Variants in MAPK10 observed in about 807,000 individuals in gnomAD.
MAPK10 encodes the protein mitogen-activated protein kinase 10, also known as JNK3 alpha protein kinase.
In MAPK10, 25 loss-of-function variants were observed where a neutral mutation model predicts 59.3. The observed-to-expected ratio is 0.42, with a 90% CI of 0.31 to 0.59. The LOEUF is 0.59. Ranked by LOEUF, MAPK10 falls within the 20% of genes least tolerant of loss-of-function variation. MAPK10 has a pLI of 0.15. For missense variants in MAPK10, 351 were observed against 568.9 expected (o/e 0.62, Z 3.90); for synonymous variants, 190 against 200.5 (o/e 0.95, Z 0.44).
At chr4:86,316,289 A>C (rs1201487977) in intron 2 of MAPK10, among the ~76,000 whole-genome samples, 2 of 152,240 alleles carry the variant, frequency 1.3e-5, no homozygotes, top group African/African-American at 2.4e-5. Flanking sequence ...TTTGCAACGC[A>C]TTAAACCCTA....
At chr4:86,445,714 CGAGGGTTAA>C (rs1749952358) in intron 1 of MAPK10, among the ~76,000 whole-genome samples, 1 of 151,718 alleles carries the variant, frequency 6.6e-6, no homozygotes, top group Non-Finnish European at 1.5e-5. Flanking sequence ...CAAGAAAAGA[CGAGGGTTAA>C]ATATTTAAAG....
Position 86,188,708 on chromosome 4 carries a change from G to T in MAPK10, c.66+5628C>A, listed in dbSNP as rs190735809. Among the ~76,000 whole-genome samples the T allele has an allele frequency of 4.9e-4, 75 of 152,106 alleles. 1 individual carries two copies. The highest frequency in any genetic ancestry group is 1.8e-3 in the African/African-American group (73 of 41,508). Reference sequence around the variant, plus strand: ...TTCTGTGGGTTGCCTGTTCACTCTGGTAATAATTTCTTTTGCTGTGCAGAA... The same window carrying T: ...TTCTGTGGGTTGCCTGTTCACTCTGTTAATAATTTCTTTTGCTGTGCAGAA... On this transcript the variant is annotated intron_variant, in intron 3 of 13. Coordinates refer to ENST00000641462, the MANE Select transcript of MAPK10 (RefSeq NM_138982.4).
intron 1 of MAPK10, among the ~76,000 whole-genome samples, chr4:86,422,771 G>T (rs1746703838): frequency 6.6e-6 from 1 of 152,128 alleles, no homozygotes; most frequent in African/African-American, 2.4e-5. Context: ...CACACAGGAG[G>T]GTATGTGGAA....
chr4:86,319,470 T>G (rs4693139), intron 2 of MAPK10, among the ~76,000 whole-genome samples: 114,262 of 152,086 alleles, frequency 0.75, 43,350 homozygotes, highest in South Asian at 0.91. Flanking sequence ...GTCATTCCAT[T>G]GTAAAAATTT....
At chr4:86,176,553 A>T (rs2149271810) in intron 3 of MAPK10, among the ~76,000 whole-genome samples, 1 of 152,256 alleles carries the variant, frequency 6.6e-6, no homozygotes, top group South Asian at 2.1e-4. Flanking sequence ...ATTATCACGG[A>T]ACTGAACCTT....
At chr4:86,398,693 T>C (rs530612661) in intron 1 of MAPK10, among the ~76,000 whole-genome samples, 1 of 152,294 alleles carries the variant, frequency 6.6e-6, no homozygotes, top group South Asian at 2.1e-4. Context: ...TAGGGTAAAA[T>C]TGATCCTGTC....
chr4:86,098,022 G>A, intron 9 of MAPK10, among the ~76,000 whole-genome samples: 1 of 152,116 alleles, frequency 6.6e-6, no homozygotes, highest in East Asian at 1.9e-4. Flanking sequence ...TTTTGAGGAA[G>A]ATATGCTATA....
At chr4:86,127,949 A>G (rs1452831222) in intron 4 of MAPK10, among the ~76,000 whole-genome samples, 2 of 152,044 alleles carry the variant, frequency 1.3e-5, no homozygotes, top group Non-Finnish European at 2.9e-5. Flanking sequence ...TTAAAAAACT[A>G]TATGTAGGGA....
At chr4:86,216,294 G>GCACATA (rs34364808) in intron 2 of MAPK10, among the ~76,000 whole-genome samples, 3,532 of 114,718 alleles carry the variant, frequency 0.031, 158 homozygotes, top group African/African-American at 0.12. Context: ...TATATATATA[G>GCACATA]CATATATATA....
chr4:86,107,799 T>G, intron 4 of MAPK10: 1 of 268,918 alleles, frequency 3.7e-6, no homozygotes, highest in South Asian at 1.4e-4. Context: ...GCTATAAAAT[T>G]TCATTGTTCT....
At position 86,129,210 on chromosome 4, in the gene MAPK10, G is replaced by A. The variant is rs184835223; in HGVS notation, c.237-21858C>T. Reference sequence around the variant, plus strand: ...AGATAAGGAAACTGAGTCCCATGGTGGTTAAATAATGTGCTCACAAAACAA... The same window carrying A: ...AGATAAGGAAACTGAGTCCCATGGTAGTTAAATAATGTGCTCACAAAACAA... On this transcript the variant is annotated intron_variant, in intron 4 of 13. Coordinates refer to ENST00000641462, the MANE Select transcript of MAPK10 (RefSeq NM_138982.4). Among the ~76,000 whole-genome samples, 83 of 152,182 alleles carry A rather than the reference G, an allele frequency of 5.5e-4. 3 individuals carry two copies. In the East Asian group the frequency reaches 0.015, roughly 27 times the overall value.
chr4:86,575,095 C>G (rs1200297851), intron 1 of MAPK10, among the ~76,000 whole-genome samples: 1 of 152,174 alleles, frequency 6.6e-6, no homozygotes, highest in Non-Finnish European at 1.5e-5. Flanking sequence ...AACAAAATGA[C>G]AGAGGAAAGA....
At chr4:86,563,276 T>A (rs563016138) in intron 1 of MAPK10, among the ~76,000 whole-genome samples, 2 of 152,344 alleles carry the variant, frequency 1.3e-5, no homozygotes, top group East Asian at 3.9e-4. Context: ...TATCTTGATT[T>A]ATAGTTTACT....
At chr4:86,208,152 T>C (rs180762641) in intron 2 of MAPK10, among the ~76,000 whole-genome samples, 95 of 152,106 alleles carry the variant, frequency 6.2e-4, no homozygotes, top group African/African-American at 2.1e-3. Flanking sequence ...CCGAATTCTA[T>C]CAGAGGTACA....
chr4:86,247,314 C>A (rs1286121510), intron 2 of MAPK10, among the ~76,000 whole-genome samples: 1 of 152,174 alleles, frequency 6.6e-6, no homozygotes, highest in African/African-American at 2.4e-5. Context: ...AATTGAGCAC[C>A]ATATTTACAA....
chr4:86,233,732 C>T (rs1325527504), intron 2 of MAPK10, among the ~76,000 whole-genome samples: 1 of 152,202 alleles, frequency 6.6e-6, no homozygotes, highest in Non-Finnish European at 1.5e-5. Context: ...GAGTCAGCAC[C>T]TGTCTTCACT....
At chr4:86,532,814 C>T (rs1757941694) in intron 1 of MAPK10, among the ~76,000 whole-genome samples, 1 of 152,222 alleles carries the variant, frequency 6.6e-6, no homozygotes, top group Non-Finnish European at 1.5e-5. Context: ...ATCTCCATCC[C>T]AGTCCAGTAT....
At chr4:86,458,704 T>A (rs1370758411) in intron 1 of MAPK10, among the ~76,000 whole-genome samples, 1 of 152,216 alleles carries the variant, frequency 6.6e-6, no homozygotes, top group Non-Finnish European at 1.5e-5. Flanking sequence ...CTGGGATAAT[T>A]GGCAAGCCAC....
chr4:86,284,639 T>C (rs1315213824), intron 2 of MAPK10, among the ~76,000 whole-genome samples: 1 of 152,238 alleles, frequency 6.6e-6, no homozygotes, highest in African/African-American at 2.4e-5. Context: ...TGAAAAGTCC[T>C]TTGAACAGCA....
Sources: gnomAD v4.1 joint callset for allele counts (sites outside exome capture counted in the v4.1 genomes callset) on GRCh38, gnomAD v4.1.1 for gene constraint, MANE v1.5 for transcripts, NCBI Gene and HGNC (gene_info 2026-07-23, HGNC 2026-07-21) for gene names.